The following NAV2 variants were observed in gnomAD, a reference collection of about 807,000 sequenced individuals.
The protein encoded by NAV2 is neuron navigator 2.
Under a neutral mutation model 223.2 loss-of-function variants are expected in NAV2, and 54 were observed. The ratio of observed to expected loss-of-function variants is 0.24; its 90% CI spans 0.19 to 0.30. The LOEUF is 0.30. Ranked by LOEUF, NAV2 falls within the 10% of genes least tolerant of loss-of-function variation. NAV2 has a pLI of 1.00. For missense variants in NAV2, 2,806 were observed against 3,147.5 expected (o/e 0.89, Z 2.60); for synonymous variants, 1,279 against 1,239.3 (o/e 1.03, Z -0.67).
chr11:19,586,067 C>A (rs1413370041), intron 1 of NAV2, among the ~76,000 whole-genome samples: 1 of 152,164 alleles, frequency 6.6e-6, no homozygotes, highest in Non-Finnish European at 1.5e-5. Context: ...TTGTTGGAGG[C>A]TTTATTCGTT....
chr11:19,880,269 T>A lies in NAV2; in HGVS notation c.770+142T>A, dbSNP rs146967065. 193 of 1,234,368 alleles carry A rather than the reference T, an allele frequency of 1.6e-4. No homozygotes were observed. The African/African-American group carries it at 2.6e-3, about 16-fold the overall frequency. 76.5% of individuals were successfully genotyped at this position (1,234,368 alleles called of 1,614,324 possible). ...ACTGGTGGTTAGTGGGAAATTAGCA[T>A]GGCCTTGAAATGCATGCAGTGAGGA... On this transcript the variant is annotated intron_variant, in intron 5 of 37. Coordinates refer to ENST00000349880, the MANE Select transcript of NAV2 (RefSeq NM_145117.5).
At chr11:19,642,306 A>G (rs1009108814) in intron 1 of NAV2, among the ~76,000 whole-genome samples, 1 of 152,222 alleles carries the variant, frequency 6.6e-6, no homozygotes, top group Non-Finnish European at 1.5e-5. Context: ...ACCAGAAGAC[A>G]AAGCCATTTC....
chr11:19,575,790 C>T (rs1473423119), intron 1 of NAV2, among the ~76,000 whole-genome samples: 2 of 152,216 alleles, frequency 1.3e-5, no homozygotes, highest in Non-Finnish European at 2.9e-5. Flanking sequence ...CAGGACCTAG[C>T]ATGAGCTTTG....
chr11:20,034,011 C>G (rs771249451), intron 11 of NAV2, among the ~76,000 whole-genome samples: 1 of 152,180 alleles, frequency 6.6e-6, no homozygotes, highest in Non-Finnish European at 1.5e-5. Flanking sequence ...ACCAGGCTGC[C>G]TGGCCTCCCA....
intron 4 of NAV2, among the ~76,000 whole-genome samples, chr11:19,872,463 G>A (rs1684158912): frequency 6.6e-6 from 1 of 152,230 alleles, no homozygotes; most frequent in South Asian, 2.1e-4. Flanking sequence ...GCACATTACT[G>A]CCTATGTTTC....
chr11:19,632,834 T>C (rs2047384777), intron 1 of NAV2, among the ~76,000 whole-genome samples: 1 of 152,204 alleles, frequency 6.6e-6, no homozygotes, highest in South Asian at 2.1e-4. Flanking sequence ...CACACAGCAT[T>C]TAGCAAGCAG....
chr11:20,114,297 T>A, intron 36 of NAV2: 1 of 445,500 alleles, frequency 2.2e-6, no homozygotes. Context: ...AATTGGATTA[T>A]CAAGGCTCAG....
At chr11:19,759,800 T>A (rs934346868) in intron 1 of NAV2, among the ~76,000 whole-genome samples, 1 of 152,170 alleles carries the variant, frequency 6.6e-6, no homozygotes. Flanking sequence ...GCTCATCACA[T>A]CCTGAAGGAT....
chr11:19,629,455 G>A (rs1325577637), intron 1 of NAV2, among the ~76,000 whole-genome samples: 8 of 151,984 alleles, frequency 5.3e-5, no homozygotes, highest in South Asian at 4.2e-4. Flanking sequence ...TTTGATGTCA[G>A]CGACATTTTT....
Position 19,523,825 on chromosome 11 carries a change from C to T in NAV2, c.75+172798C>T, listed in dbSNP as rs142187752. Among the ~76,000 whole-genome samples, 212 of 152,340 alleles carry T rather than the reference C, an allele frequency of 1.4e-3. 2 individuals carry two copies. The highest frequency in any genetic ancestry group is 5.0e-3 in the African/African-American group (206 of 41,580). On this transcript the variant is annotated intron_variant, in intron 1 of 37. Transcript: ENST00000360655. ...TGTCTTCACTCTTCACCTCCCATCG[C>T]CCACTCTGAGCCTCCTGTATCTGAC...
rs115638370 is a variant in NAV2 at position 19,784,962 on chromosome 11, T to C, written c.268-47522T>C. On this transcript the variant is annotated intron_variant, in intron 1 of 37. Transcript: ENST00000349880. Reference sequence around the variant, plus strand: ...TGTGCCTGGGAAGGGGTTGAGGATATACAAGGTGGATTAATGTTAGGGTTG... The same window carrying C: ...TGTGCCTGGGAAGGGGTTGAGGATACACAAGGTGGATTAATGTTAGGGTTG... Among the ~76,000 whole-genome samples, 652 of 152,268 alleles carry C rather than the reference T, an allele frequency of 4.3e-3. 4 individuals are homozygous for C. The highest frequency in any genetic ancestry group is 0.015 in the African/African-American group (625 of 41,538).
At chr11:19,744,366 T>G (rs1043191619) in intron 1 of NAV2, among the ~76,000 whole-genome samples, 3 of 152,164 alleles carry the variant, frequency 2.0e-5, no homozygotes, top group Non-Finnish European at 4.4e-5. Flanking sequence ...TGGCTGTCAC[T>G]CCTTCCATCT....
At chr11:19,945,026 CTTCT>C (rs1376133405) in intron 8 of NAV2, among the ~76,000 whole-genome samples, 14 of 136,840 alleles carry the variant, frequency 1.0e-4, no homozygotes, top group Admixed American at 2.3e-4. Context: ...CCTTTTCTTT[CTTCT>C]TTCTTTTTCT....
intron 1 of NAV2, among the ~76,000 whole-genome samples, chr11:19,576,266 A>G (rs1228449274): frequency 1.3e-5 from 2 of 152,084 alleles, no homozygotes; most frequent in Non-Finnish European, 2.9e-5. Flanking sequence ...TGATGCAAAA[A>G]CCTGTTTTCA....
At chr11:19,984,295 G>T in intron 11 of NAV2, 48 bp downstream of exon 11, 1 of 1,606,500 alleles carries the variant, frequency 6.2e-7, no homozygotes, top group South Asian at 1.1e-5. Context: ...GTGATCCCAG[G>T]GGGGCCCTGA....
intron 1 of NAV2, among the ~76,000 whole-genome samples, chr11:19,428,096 C>A (rs1326054237): frequency 6.6e-6 from 1 of 151,990 alleles, no homozygotes; most frequent in Non-Finnish European, 1.5e-5. Context: ...CCAATGATTT[C>A]TTCTGCTATT....
chr11:20,077,146 C>T (rs79132595), intron 22 of NAV2, among the ~76,000 whole-genome samples: 3,228 of 152,224 alleles, frequency 0.021, 35 homozygotes, highest in Middle Eastern at 0.051. Context: ...TACAAGACTG[C>T]ATGTATTTTT....
At chr11:19,783,220 A>G (rs1295258777) in intron 1 of NAV2, among the ~76,000 whole-genome samples, 1 of 152,226 alleles carries the variant, frequency 6.6e-6, no homozygotes, top group African/African-American at 2.4e-5. Context: ...GTGAAGTTTC[A>G]GGATTCAAGA....
In NAV2 at chr11:19,489,639, G is replaced by T. The variant is rs563666536; in HGVS notation, c.75+138612G>T. On this transcript the variant is annotated intron_variant, in intron 1 of 37. Coordinates refer to the NAV2 transcript ENST00000360655. Reference sequence around the variant, plus strand: ...GAGTTGGTGCTCAGCACATGCTAGAGAATCACCTGTGCCTGATTCTCAGCT... The same window carrying T: ...GAGTTGGTGCTCAGCACATGCTAGATAATCACCTGTGCCTGATTCTCAGCT... Among the ~76,000 whole-genome samples, 4 of 152,334 alleles carry T rather than the reference G, an allele frequency of 2.6e-5. No homozygotes were observed. In the East Asian group the frequency reaches 7.7e-4, roughly 29 times the overall value.
Sources: allele counts gnomAD v4.1 joint callset (sites outside exome capture counted in the v4.1 genomes callset), GRCh38; gene constraint gnomAD v4.1.1; transcripts MANE v1.5; gene names NCBI Gene and HGNC (gene_info 2026-07-23, HGNC 2026-07-21).